Variants in TFPI observed in about 807,000 individuals in gnomAD.
TFPI encodes the protein tissue factor pathway inhibitor.
TFPI carries 15 observed loss-of-function variants against 34.6 expected under a neutral mutation model. The observed-to-expected ratio is 0.43, with a 90% CI of 0.29 to 0.67. The LOEUF is 0.67. Among genes scored for constraint, TFPI ranks in the 30% least tolerant of loss-of-function variants. The pLI is 0.15. For missense variants in TFPI, 301 were observed against 364.0 expected, an observed-to-expected ratio of 0.83 and a Z score of 1.41; for synonymous variants, 105 against 120.1, an observed-to-expected ratio of 0.87 and a Z score of 0.82.
rs546697043 is a variant in TFPI at position 187,540,052 on chromosome 2, G to A, written c.-3+14148C>T. On this transcript the variant is annotated intron_variant, in intron 1 of 7. Coordinates refer to ENST00000233156, the MANE Select transcript of TFPI (RefSeq NM_006287.6). ...TGGGACTACAGGCGCCCACCACCAC[G>A]CCTGGCTAATTTTTTTTGTTGTCGT... Among the ~76,000 whole-genome samples the A allele has an allele frequency of 3.2e-3, 491 of 151,820 alleles. 2 individuals carry two copies. Among genetic ancestry groups the A allele is most frequent in the African/African-American group, 0.011 (454 of 41,416 alleles).
chr2:187,471,137 T>G (rs1559095261), intron 6 of TFPI, among the ~76,000 whole-genome samples: 1 of 152,220 alleles, frequency 6.6e-6, no homozygotes, highest in Admixed American at 6.5e-5. Context: ...TTATTGTCAG[T>G]TAAGGAATCA....
chr2:187,494,895 G>T lies in TFPI; in HGVS notation c.319+1986C>A, dbSNP rs146971525. 2.6e-5 allele frequency among the ~76,000 whole-genome samples: 4 copies of T among 152,064 alleles called. No individual in the cohort carries two copies. In the East Asian group the frequency reaches 7.8e-4, roughly 30 times the overall value. Reference sequence around the variant, plus strand: ...ATGCCACCATACCCAGCTAATTTTTGTATTTTTAGTAGGGACGGAGTTTCA... The same window carrying T: ...ATGCCACCATACCCAGCTAATTTTTTTATTTTTAGTAGGGACGGAGTTTCA... On this transcript the variant is annotated intron_variant, in intron 3 of 7. Transcript: ENST00000233156.
chr2:187,530,131 G>A (rs979319585), intron 1 of TFPI, among the ~76,000 whole-genome samples: 4 of 152,212 alleles, frequency 2.6e-5, no homozygotes, highest in Non-Finnish European at 4.4e-5. Context: ...CCTCACCTTC[G>A]AATTCCTTCT....
At chr2:187,504,574 A>G (rs908138393) in intron 1 of TFPI, among the ~76,000 whole-genome samples, 5 of 151,966 alleles carry the variant, frequency 3.3e-5, no homozygotes, top group Admixed American at 2.6e-4. Context: ...AGGAAAAAAA[A>G]AAAAAAGAAA....
At chr2:187,497,522 CTA>C (rs1272339933) in intron 2 of TFPI, among the ~76,000 whole-genome samples, 3 of 151,952 alleles carry the variant, frequency 2.0e-5, no homozygotes, top group Non-Finnish European at 2.9e-5. Context: ...GTATATAACA[CTA>C]TATTAAACCA....
At chr2:187,517,108 A>C (rs1687061861) in intron 1 of TFPI, 3 of 152,130 alleles carry the variant, frequency 2.0e-5, no homozygotes, top group Admixed American at 1.3e-4. Context: ...CTTACTAAGT[A>C]ATCTTTTATT....
At chr2:187,486,716 T>C (rs1453360680) in intron 4 of TFPI, among the ~76,000 whole-genome samples, 1 of 151,764 alleles carries the variant, frequency 6.6e-6, no homozygotes, top group African/African-American at 2.4e-5. Flanking sequence ...AACCTTCTTA[T>C]TGAATTTGCA....
At chr2:187,509,123 G>A (rs1686441111) in intron 1 of TFPI, among the ~76,000 whole-genome samples, 1 of 152,170 alleles carries the variant, frequency 6.6e-6, no homozygotes, top group Non-Finnish European at 1.5e-5. Context: ...TGTTGAACCA[G>A]GGTTGCATCC....
intron 1 of TFPI, among the ~76,000 whole-genome samples, chr2:187,543,612 T>C (rs539226539): frequency 6.6e-6 from 1 of 152,348 alleles, no homozygotes; most frequent in South Asian, 2.1e-4. Context: ...GAAGACTCTT[T>C]AATATGTTCA....
intron 7 of TFPI, 24 bp downstream of exon 7, chr2:187,467,725 CAATT>C (rs776812976): frequency 9.2e-6 from 14 of 1,521,988 alleles, no homozygotes; most frequent in Non-Finnish European, 1.2e-5. Flanking sequence ...AAACACTAGT[CAATT>C]AATGGGAAGA....
At chr2:187,502,789 C>T (rs912264196) in intron 2 of TFPI, among the ~76,000 whole-genome samples, 20 of 152,144 alleles carry the variant, frequency 1.3e-4, no homozygotes, top group African/African-American at 3.6e-4. Flanking sequence ...ACCTGTTTCT[C>T]TAGCACCTTC....
At chr2:187,523,643 A>G (rs1012523015) in intron 1 of TFPI, among the ~76,000 whole-genome samples, 1 of 152,088 alleles carries the variant, frequency 6.6e-6, no homozygotes, top group African/African-American at 2.4e-5. Flanking sequence ...ATGGGTTTCA[A>G]CAATTGCATA....
chr2:187,542,298 C>T (rs920779761), intron 1 of TFPI, among the ~76,000 whole-genome samples: 1 of 150,994 alleles, frequency 6.6e-6, no homozygotes, highest in Non-Finnish European at 1.5e-5. Context: ...GTGGGGGATA[C>T]AAATACATTT....
intron 1 of TFPI, among the ~76,000 whole-genome samples, chr2:187,525,385 A>G (rs13035938): frequency 0.25 from 38,583 of 151,852 alleles, 5,037 homozygotes; most frequent in Middle Eastern, 0.29. Flanking sequence ...TGTCTTCATA[A>G]TTATTCTGGT....
At chr2:187,486,679 T>C (rs1419847259) in intron 4 of TFPI, among the ~76,000 whole-genome samples, 1 of 151,626 alleles carries the variant, frequency 6.6e-6, no homozygotes. Context: ...AAAAATTAAT[T>C]TCCCATTTTC....
At chr2:187,516,349 G>A (rs955838407) in intron 1 of TFPI, 1 of 152,108 alleles carries the variant, frequency 6.6e-6, no homozygotes, top group African/African-American at 2.4e-5. Flanking sequence ...CTGGGGCCAT[G>A]GTTGGAAATG....
chr2:187,519,547 G>T (rs1687234136), intron 1 of TFPI: 1 of 152,616 alleles, frequency 6.6e-6, no homozygotes, highest in African/African-American at 2.4e-5. Context: ...CCTGGCAGAT[G>T]CCAGCTGGAA....
intron 1 of TFPI, among the ~76,000 whole-genome samples, chr2:187,536,179 T>G (rs561332623): frequency 8.5e-5 from 13 of 152,288 alleles, no homozygotes; most frequent in East Asian, 1.9e-4. Flanking sequence ...TACTATTCCT[T>G]CTGAAACTAT....
intron 1 of TFPI, among the ~76,000 whole-genome samples, chr2:187,522,004 T>C (rs929628984): frequency 1.3e-5 from 2 of 152,162 alleles, no homozygotes; most frequent in Non-Finnish European, 2.9e-5. Context: ...CTGCTGAGCA[T>C]CTTTATATAT....
Sources: gnomAD v4.1 joint callset for allele counts (sites outside exome capture counted in the v4.1 genomes callset) on GRCh38, gnomAD v4.1.1 for gene constraint, MANE v1.5 for transcripts, NCBI Gene and HGNC (gene_info 2026-07-23, HGNC 2026-07-21) for gene names.